The following ARFIP1 variants were observed in gnomAD, a reference collection of about 807,000 sequenced individuals.
ARFIP1 encodes arfaptin-1.
Under a neutral mutation model 42.5 loss-of-function variants are expected in ARFIP1, and 24 were observed. That is an observed-to-expected ratio of 0.57 (90% CI 0.41 to 0.80). The LOEUF (loss-of-function observed/expected upper bound fraction) is 0.80, where lower values mean the gene tolerates loss of function less well. ARFIP1 is among the 30% of genes least tolerant of loss of function. The pLI is 0.00. For synonymous variants in ARFIP1, 141 were observed against 153.7 expected (o/e 0.92, Z 0.61); for missense variants, 354 against 434.0 (o/e 0.82, Z 1.64).
chr4:152,822,950 T>C (rs1358574411), intron 1 of ARFIP1, among the ~76,000 whole-genome samples: 3 of 151,932 alleles, frequency 2.0e-5, no homozygotes, highest in Non-Finnish European at 2.9e-5. Flanking sequence ...TAAAAAAATA[T>C]GAAATATTAT....
intron 8 of ARFIP1, among the ~76,000 whole-genome samples, chr4:152,900,472 G>A (rs998816951): frequency 1.3e-4 from 20 of 152,038 alleles, no homozygotes; most frequent in African/African-American, 4.1e-4. Context: ...TGCATCAGAA[G>A]AATGTAAAAA....
In ARFIP1 at chr4:152,870,786, C is replaced by T; in HGVS notation, c.236C>T (p.Ser79Phe). The change falls in exon 4 of 9, where the codon TCT (serine) becomes TTT (phenylalanine). Residue 79 changes from serine to phenylalanine, a missense_variant. Physicochemically the swap from Ser to Phe is radical, Grantham distance 155. Transcript: ENST00000353617. ...SPAPPLPSVM[S>F]PSRVAASRLA... is the part of the protein sequence containing the mutation. ...GCACCGCCACTGCCATCTGTTATGT[C>T]TCCTAGCAGGGTTGCAGCTAGTCGA... The T allele has an allele frequency of 6.2e-7, 1 of 1,614,074 alleles. No homozygotes were observed. The highest frequency in any genetic ancestry group is 1.1e-5 in the South Asian group (1 of 91,076).
intron 1 of ARFIP1, among the ~76,000 whole-genome samples, chr4:152,807,951 C>T (rs1490245266): frequency 6.6e-6 from 1 of 152,002 alleles, no homozygotes; most frequent in South Asian, 2.1e-4. Flanking sequence ...GTTCTGGTCT[C>T]ATTTGCTGAA....
Position 152,804,269 on chromosome 4 carries a change from T to A in ARFIP1, c.-10+24043T>A, listed in dbSNP as rs28641639. 3.7e-3 allele frequency among the ~76,000 whole-genome samples: 160 copies of A among 42,842 alleles called. 28 individuals are homozygous for A. The highest frequency in any genetic ancestry group is 5.4e-3 in the Non-Finnish European group (132 of 24,538). The allele number at this position is 42,842 out of a possible 152,430, so 28.1% of individuals were successfully genotyped here. The stretch of plus-strand genomic sequence containing the variant: ...ATATAATATAACATGTATTATATAT[T>A]ATATATATAACATAACATGTATTAT... On this transcript the variant is annotated intron_variant, in intron 1 of 8. Transcript: ENST00000353617.
intron 1 of ARFIP1, among the ~76,000 whole-genome samples, chr4:152,790,814 A>G (rs1286648082): frequency 2.0e-5 from 3 of 147,662 alleles, no homozygotes; most frequent in African/African-American, 5.1e-5. Context: ...GCTTACTGCA[A>G]CCTCTGCCTC....
At chr4:152,849,471 A>G (rs1732813443) in intron 2 of ARFIP1, among the ~76,000 whole-genome samples, 2 of 152,240 alleles carry the variant, frequency 1.3e-5, no homozygotes, top group African/African-American at 4.8e-5. Flanking sequence ...CAGTGATAGT[A>G]TGTGAATGAA....
At chr4:152,888,927 A>C (rs1330479967) in intron 8 of ARFIP1, among the ~76,000 whole-genome samples, 7 of 152,160 alleles carry the variant, frequency 4.6e-5, no homozygotes, top group Non-Finnish European at 8.8e-5. Context: ...TGTTTGACAT[A>C]TCTCTATTAC....
intron 8 of ARFIP1, among the ~76,000 whole-genome samples, chr4:152,891,965 C>G (rs560860089): frequency 2.6e-5 from 4 of 152,222 alleles, no homozygotes; most frequent in South Asian, 4.1e-4. Context: ...ACCTTGGCCT[C>G]CCAAAGTGCT....
chr4:152,820,659 A>T (rs573722627), intron 1 of ARFIP1, among the ~76,000 whole-genome samples: 436 of 152,318 alleles, frequency 2.9e-3, no homozygotes, highest in Non-Finnish European at 4.5e-3. Flanking sequence ...ACCAGTTTTC[A>T]TGAGAACTCA....
In ARFIP1 at chr4:152,853,905, C is replaced by CTTTTTTTTT. The variant is rs36055484; in HGVS notation, c.94-9686_94-9678dup. Among the ~76,000 whole-genome samples, 39 of 74,762 alleles carry CTTTTTTTTT rather than the reference C, an allele frequency of 5.2e-4. 1 individual carries two copies. Among genetic ancestry groups the CTTTTTTTTT allele is most frequent in the South Asian group, 1.0e-3 (2 of 1,906 alleles). The allele number at this position is 74,762 out of a possible 152,430, so 49.0% of individuals were successfully genotyped here. A position where few individuals can be genotyped will look rare whatever the true frequency, so the allele number is the denominator to read the frequency against. ...AGACCTGTCTTCAAGTTCTGAGATTCTTTTTTTTTTTTTTTTTTTTTTTGA... is the reference window on the plus strand; with the variant it reads ...AGACCTGTCTTCAAGTTCTGAGATTCTTTTTTTTTTTTTTTTTTTTTTTTTTTTTTTTGA... On this transcript the variant is annotated intron_variant, in intron 2 of 8. Coordinates refer to ENST00000353617, the MANE Select transcript of ARFIP1 (RefSeq NM_001025595.3).
rs534054156 is a variant in ARFIP1, at chr4:152,893,467, G to T, written c.966+5160G>T. ...GGAAGTATAAAGATGTGAAAAAATA[G>T]TTGAAGGTTAATTTTTTCTTTAAGG... is the stretch of plus-strand genomic sequence containing the variant. On this transcript the variant is annotated intron_variant, in intron 8 of 8. Transcript: ENST00000353617. Among the ~76,000 whole-genome samples the T allele has an allele frequency of 4.6e-5, 7 of 152,202 alleles. No homozygotes were observed. The South Asian group carries it at 8.3e-4, about 18-fold the overall frequency.
intron 3 of ARFIP1, among the ~76,000 whole-genome samples, chr4:152,869,558 G>A (rs544644289): frequency 2.4e-4 from 36 of 151,562 alleles, no homozygotes; most frequent in Admixed American, 2.2e-3. Flanking sequence ...CAAGCAGTCC[G>A]TCTACCTCAA....
intron 4 of ARFIP1, 148 bp downstream of exon 4, chr4:152,870,996 A>C: frequency 1.9e-6 from 1 of 529,720 alleles, no homozygotes; most frequent in Non-Finnish European, 3.2e-6. Context: ...TAAAGGAAAT[A>C]ATTTTTCTAA....
chr4:152,797,254 C>G (rs1427820082), intron 1 of ARFIP1, among the ~76,000 whole-genome samples: 1 of 152,158 alleles, frequency 6.6e-6, no homozygotes, highest in Non-Finnish European at 1.5e-5. Context: ...ATTTGAGATG[C>G]CACCTTTGTT....
chr4:152,867,734 A>G (rs1734532044), intron 3 of ARFIP1, among the ~76,000 whole-genome samples: 1 of 152,170 alleles, frequency 6.6e-6, no homozygotes, highest in Non-Finnish European at 1.5e-5. Flanking sequence ...TTGCTTATAG[A>G]TACATCCTAA....
At chr4:152,824,160 A>C (rs1352886833) in intron 1 of ARFIP1, among the ~76,000 whole-genome samples, 2 of 151,564 alleles carry the variant, frequency 1.3e-5, no homozygotes, top group Non-Finnish European at 2.9e-5. Flanking sequence ...TAAAAATACA[A>C]AAATTAGCTG....
intron 1 of ARFIP1, among the ~76,000 whole-genome samples, chr4:152,803,194 C>A (rs1175378433): frequency 6.6e-6 from 1 of 152,094 alleles, no homozygotes; most frequent in African/African-American, 2.4e-5. Context: ...CACGTTATCA[C>A]GATTGTAGTA....
At chr4:152,812,736 C>A (rs189091149) in intron 1 of ARFIP1, among the ~76,000 whole-genome samples, 3 of 152,290 alleles carry the variant, frequency 2.0e-5, no homozygotes, top group Non-Finnish European at 4.4e-5. Context: ...AAACCTCTTG[C>A]TTTCCTTATT....
chr4:152,784,522 A>G (rs2149811943), intron 1 of ARFIP1, among the ~76,000 whole-genome samples: 1 of 152,336 alleles, frequency 6.6e-6, no homozygotes, highest in East Asian at 1.9e-4. Context: ...TATGAAATAC[A>G]CTTTTTTCCC....
Sources: gnomAD v4.1 joint callset for allele counts (sites outside exome capture counted in the v4.1 genomes callset) on GRCh38, gnomAD v4.1.1 for gene constraint, MANE v1.5 for transcripts, NCBI Gene and HGNC (gene_info 2026-07-23, HGNC 2026-07-21) for gene names.